The following MAPK14 variants were observed in gnomAD, a reference collection of about 807,000 sequenced individuals.
MAPK14 encodes the protein CSAID-binding protein.
In MAPK14, 16 loss-of-function variants were observed where a neutral mutation model predicts 49.6. The ratio of observed to expected loss-of-function variants is 0.32; its 90% CI spans 0.22 to 0.49. The LOEUF is 0.49. MAPK14 is among the 20% of genes least tolerant of loss of function. The probability of loss-of-function intolerance (pLI) is 0.99; values close to 1 mark genes in which losing one functional copy is unlikely to be tolerated. For missense variants in MAPK14, 200 were observed against 441.2 expected (o/e 0.45, Z 4.90); for synonymous variants, 142 against 158.0 (o/e 0.90, Z 0.76).
At chr6:36,115,923 G>A (rs1484745324), downstream of MAPK14, among the ~76,000 whole-genome samples, 8 of 104,906 alleles carry the variant, frequency 7.6e-5, no homozygotes, top group South Asian at 3.8e-4. Context: ...GGGAGACTCC[G>A]TCTCAAAAAA....
the MAPK14 span, among the ~76,000 whole-genome samples, chr6:36,119,777 C>T: frequency 6.6e-6 from 1 of 152,018 alleles, no homozygotes. Flanking sequence ...GCCCCCACAA[C>T]GAGGAATTAC....
rs936810523 is a variant in MAPK14, at chr6:36,109,774, C to T, written c.*1327C>T. 3 of 152,700 alleles carry T rather than the reference C, an allele frequency of 2.0e-5. No homozygotes were observed. The highest frequency in any genetic ancestry group is 2.1e-4 in the South Asian group (1 of 4,828). 9.5% of individuals were successfully genotyped at this position (152,700 alleles called of 1,614,324 possible). A position where few individuals can be genotyped will look rare whatever the true frequency, so the allele number is the denominator to read the frequency against. On this transcript the variant is annotated 3_prime_UTR_variant, in exon 12 of 12. Transcript: ENST00000229794. ...ACTAATGCTAAGAAATGCTGAAAAT[C>T]AAAGTAAAAAATTAAAGCCCATAAG...
In MAPK14 at chr6:36,028,523, G is replaced by T. The variant is rs143475612; in HGVS notation, c.116+250G>T. The stretch of plus-strand genomic sequence containing the variant: ...AGGTAGGTGGTGGTGCTGGAGCTCG[G>T]TTCTGGCTAGCACCCTGCGCCTTCC... On this transcript the variant is annotated intron_variant, in intron 1 of 11. Transcript: ENST00000229794. This position sits in a 1 kb window ranked among gnomAD's most constrained non-coding sequence, Gnocchi z 5.1. Among the ~76,000 whole-genome samples, 101 of 152,346 alleles carry T rather than the reference G, an allele frequency of 6.6e-4. No individual in the cohort carries two copies. The highest frequency in any genetic ancestry group is 2.4e-3 in the African/African-American group (100 of 41,598).
In MAPK14 at chr6:36,108,677, T is replaced by A; in HGVS notation, c.*230T>A. On this transcript the variant is annotated 3_prime_UTR_variant, in exon 12 of 12. Coordinates refer to ENST00000229794, the MANE Select transcript of MAPK14 (RefSeq NM_139012.3). Reference sequence around the variant, plus strand: ...TGATCACAGTGACTTTACAGGAGGTTGTGGATGCTCCAGGGCAGCCTCCAC... The same window carrying A: ...TGATCACAGTGACTTTACAGGAGGTAGTGGATGCTCCAGGGCAGCCTCCAC... The A allele has an allele frequency of 1.8e-6, 1 of 542,562 alleles. No individual in the cohort carries two copies. The highest frequency in any genetic ancestry group is 2.1e-5 in the South Asian group (1 of 47,932). 33.6% of individuals were successfully genotyped at this position (542,562 alleles called of 1,614,324 possible).
the MAPK14 span, among the ~76,000 whole-genome samples, chr6:36,121,175 G>A: frequency 2.0e-5 from 3 of 152,158 alleles, no homozygotes; most frequent in Non-Finnish European, 4.4e-5. Flanking sequence ...TAGAATGGAG[G>A]TTGCCTGGGC....
At chr6:36,118,299 A>G in the MAPK14 span, among the ~76,000 whole-genome samples, 1 of 152,232 alleles carries the variant, frequency 6.6e-6, no homozygotes, top group Admixed American at 6.5e-5. Context: ...ACAAATATCT[A>G]TTAGGTACCT....
At chr6:36,064,485 C>A (rs375808019) in intron 3 of MAPK14, among the ~76,000 whole-genome samples, 1 of 152,214 alleles carries the variant, frequency 6.6e-6, no homozygotes. Flanking sequence ...CTGCCTCATT[C>A]TTGAAGAGGG....
In MAPK14 at chr6:36,076,540, A is replaced by G; in HGVS notation, c.614A>G (p.Asp205Gly). The G allele has an allele frequency of 6.2e-7, 1 of 1,612,234 alleles. No homozygotes were observed. The highest frequency in any genetic ancestry group is 8.5e-7 in the Non-Finnish European group (1 of 1,178,288). The change falls in exon 8 of 12, where the codon GAT (aspartate) becomes GGT (glycine). Residue 205 changes from aspartate (D) to glycine (G), a missense_variant. Coordinates refer to ENST00000229794, the MANE Select transcript of MAPK14 (RefSeq NM_139012.3). The part of the protein sequence containing the change: ...LNWMHYNQTV[D>G]IWSVGCIMAE... ...TACTTCTTTTTAATTTTGCCAGTTG[A>G]TATTTGGTCAGTGGGATGCATAATG... is the stretch of plus-strand genomic sequence containing the variant.
At chr6:36,044,171 A>T (rs1331100131) in intron 1 of MAPK14, among the ~76,000 whole-genome samples, 2 of 152,108 alleles carry the variant, frequency 1.3e-5, no homozygotes, top group African/African-American at 4.8e-5. Context: ...ATTCAGTGTA[A>T]CTACAGATTT....
intron 3 of MAPK14, among the ~76,000 whole-genome samples, chr6:36,072,198 C>T (rs1274442015): frequency 3.3e-5 from 5 of 151,930 alleles, no homozygotes; most frequent in South Asian, 2.1e-4. Context: ...ATTAGCTGTG[C>T]GTGGTGGTGC....
At chr6:36,074,209 G>A (rs143457010) in intron 6 of MAPK14, 113 bp downstream of exon 6, 260 of 669,782 alleles carry the variant, frequency 3.9e-4, no homozygotes, top group Middle Eastern at 3.1e-3. Context: ...TCTGAAATTC[G>A]TATTATTTTT....
intron 10 of MAPK14, 55 bp downstream of exon 10, chr6:36,102,704 T>C (rs1255795834): frequency 1.9e-6 from 3 of 1,604,980 alleles, no homozygotes; most frequent in Non-Finnish European, 2.5e-6. Flanking sequence ...ATGATATAAA[T>C]TGGGGATTTG....
the MAPK14 span, among the ~76,000 whole-genome samples, chr6:36,121,537 CTGTT>C: frequency 6.6e-6 from 1 of 152,146 alleles, no homozygotes; most frequent in African/African-American, 2.4e-5. Flanking sequence ...CAGGGAGAAG[CTGTT>C]TGTCAGGGAA....
intron 4 of MAPK14, 45 bp downstream of exon 4, chr6:36,073,029 T>G: frequency 3.3e-6 from 4 of 1,222,094 alleles, no homozygotes; most frequent in Non-Finnish European, 4.8e-6. Context: ...AATTCTCCCT[T>G]TCTCCCCTCC....
chr6:36,056,292 C>A (rs1562113785), intron 2 of MAPK14, among the ~76,000 whole-genome samples: 1 of 152,136 alleles, frequency 6.6e-6, no homozygotes, highest in Non-Finnish European at 1.5e-5. Flanking sequence ...GCCTTTTGTA[C>A]TAGGCACCTT....
In MAPK14 at chr6:36,052,744, G is replaced by A. The variant is rs1581755888; in HGVS notation, c.162G>A (p.Lys54=). The part of the protein sequence containing the change: ...TKTGLRVAVK[K]LSRPFQSIIH... ...CGGGGTTACGTGTGGCAGTGAAGAA[G>A]CTCTCCAGACCATTTCAGTCCATCA... The change falls in exon 2 of 12, where the codon AAG becomes AAA. Residue 54 remains lysine, a synonymous_variant. Transcript: ENST00000229794. 1.9e-6 allele frequency: 3 copies of A among 1,611,574 alleles called. No individual in the cohort carries two copies. In the East Asian group the frequency reaches 6.7e-5, roughly 36 times the overall value.
In MAPK14 at chr6:36,078,150, T is replaced by C. The variant is rs1031357217; in HGVS notation, c.682+1542T>C. ...CTGGATTTAGATCTTAGCTCTTTTA[T>C]TTCCAGCTATGTAACTTTGAGTAAG... On this transcript the variant is annotated intron_variant, in intron 8 of 11. Transcript: ENST00000229794. 2.1e-4 allele frequency among the ~76,000 whole-genome samples: 32 copies of C among 152,238 alleles called. 1 individual carries two copies. The highest frequency in any genetic ancestry group is 1.6e-3 in the Admixed American group (25 of 15,290).
rs1378485481 is a variant in MAPK14, at chr6:36,028,913, G to A, written c.116+640G>A. 6.7e-6 allele frequency among the ~76,000 whole-genome samples: 1 copy of A among 150,332 alleles called. No homozygotes were observed. The highest frequency in any genetic ancestry group is 2.4e-5 in the African/African-American group (1 of 40,838). On this transcript the variant is annotated intron_variant, in intron 1 of 11. Transcript: ENST00000229794. The surrounding 1 kb of genome is among the most constrained non-coding windows in gnomAD (Gnocchi z 5.1). ...CTTAAAATACCGACTTTATCTCGGT[G>A]AGCACTGTGCCAGCTTGAGTGGTGT...
chr6:36,107,484 T>A lies in MAPK14; in HGVS notation c.871T>A (p.Leu291Met). 1 of 1,572,122 alleles carries A rather than the reference T, an allele frequency of 6.4e-7. No homozygotes were observed. The highest frequency in any genetic ancestry group is 8.6e-7 in the Non-Finnish European group (1 of 1,159,390). The change falls in exon 11 of 12, where the codon TTG (leucine) becomes ATG (methionine). Residue 291 changes from leucine to methionine, a missense_variant. By Grantham distance (15) the Leu-to-Met change is conservative. Around this residue, in one of 2 missense-constraint regions of MAPK14, gnomAD observed 170 missense variants for 407.0 expected, o/e 0.42. Transcript: ENST00000229794. The surrounding 1 kb of genome is among the most constrained non-coding windows in gnomAD (Gnocchi z 4.3). ...AVDLLEKMLV[L>M]DSDKRITAAQ... Reference sequence around the variant, plus strand: ...CGACTTGCTGGAGAAGATGCTTGTATTGGACTCAGATAAGAGAATTACAGC... The same window carrying A: ...CGACTTGCTGGAGAAGATGCTTGTAATGGACTCAGATAAGAGAATTACAGC...
Sources: allele counts gnomAD v4.1 joint callset (sites outside exome capture counted in the v4.1 genomes callset), GRCh38; gene constraint gnomAD v4.1.1; regional missense constraint gnomAD v4.1.1; non-coding constraint Gnocchi (gnomAD v3.1); transcripts MANE v1.5; gene names NCBI Gene and HGNC (gene_info 2026-07-23, HGNC 2026-07-21).